The following LRRK1 variants were observed in gnomAD, a reference collection of about 807,000 sequenced individuals.
LRRK1 encodes the protein leucine-rich repeat serine/threonine-protein kinase 1.
LRRK1 carries 113 observed loss-of-function variants against 209.1 expected under a neutral mutation model. The observed-to-expected ratio is 0.54, with a 90% CI of 0.46 to 0.63. LRRK1 has a LOEUF of 0.63. LRRK1 is among the 30% of genes least tolerant of loss of function. The pLI, the probability that LRRK1 is intolerant of heterozygous loss-of-function variation, is 0.00. For synonymous variants in LRRK1, 1,144 were observed against 1,099.7 expected (o/e 1.04, Z -0.80); for missense variants, 2,284 against 2,632.2 (o/e 0.87, Z 2.89).
At chr15:101,019,282 G>T (rs1243401035) in intron 12 of LRRK1, among the ~76,000 whole-genome samples, 1 of 152,108 alleles carries the variant, frequency 6.6e-6, no homozygotes, top group African/African-American at 2.4e-5. Flanking sequence ...TTTAGAATGT[G>T]TTCTCTGGGG....
At chr15:100,962,693 A>C (rs909232209) in intron 2 of LRRK1, among the ~76,000 whole-genome samples, 1 of 148,870 alleles carries the variant, frequency 6.7e-6, no homozygotes, top group East Asian at 1.9e-4. Context: ...AAAATAATAG[A>C]CTGTATGTAT....
In LRRK1 at chr15:101,022,515, G is replaced by A. The variant is rs779074952; in HGVS notation, c.1985G>A (p.Arg662Lys). ...CTCCTGGAGATCTTACAGACGGGGA[G>A]GGCCCCCCAGGTGGTGCATGGAGAG... ...STLLEILQTG[R>K]APQVVHGEAT... The change falls in exon 15 of 34, where the codon AGG becomes AAG. Residue 662 changes from arginine (R) to lysine (K), a missense_variant. Physicochemically the swap from Arg to Lys is conservative, Grantham distance 26. Around this residue, in one of 6 missense-constraint regions of LRRK1, gnomAD observed 494 missense variants for 522.1 expected, o/e 0.95. Coordinates refer to ENST00000388948, the MANE Select transcript of LRRK1 (RefSeq NM_024652.6). This position sits in a 1 kb window ranked among gnomAD's most constrained non-coding sequence, Gnocchi z 4.0. 19 of 1,614,150 alleles carry A rather than the reference G, an allele frequency of 1.2e-5. No individual in the cohort carries two copies. The highest frequency in any genetic ancestry group is 1.3e-5 in the Non-Finnish European group (15 of 1,180,040).
In LRRK1 at chr15:100,941,304, G is replaced by GTGTGTGTGTGTCTC. The variant is rs1555458911; in HGVS notation, c.97+16584_97+16585insGTCTCTGTGTGTGT. ...CGTGTGTGTGTCTGTGTGTGTCTATGTGTGTGTGTCTGTGTGTGTGTGTCT... is the reference window on the plus strand; with the variant it reads ...CGTGTGTGTGTCTGTGTGTGTCTATGTGTGTGTGTGTCTCTGTGTGTGTCTGTGTGTGTGTGTCT... On this transcript the variant is annotated intron_variant, in intron 2 of 33. Transcript: ENST00000388948. Among the ~76,000 whole-genome samples, 34 of 114,678 alleles carry GTGTGTGTGTGTCTC rather than the reference G, an allele frequency of 3.0e-4. No homozygotes were observed. In the East Asian group the frequency reaches 8.1e-3, roughly 27 times the overall value. The allele number at this position is 114,678 out of a possible 152,430, so 75.2% of individuals were successfully genotyped here.
rs773373328 is a variant in LRRK1, at chr15:101,051,906, C to G, written c.3635C>G (p.Pro1212Arg). 9 of 1,614,004 alleles carry G rather than the reference C, an allele frequency of 5.6e-6. No homozygotes were observed. In the South Asian group the frequency reaches 8.8e-5, roughly 16 times the overall value. The stretch of plus-strand genomic sequence containing the variant: ...TCCTGCCCCAGACACCCGGACCTCC[C>G]CGTGCCGCTGCAGGAGCTGGTCCCT... ...FISCPRHPDLPVPLQELVPEL... is the reference protein window; with the variant it reads ...FISCPRHPDLRVPLQELVPEL... The change falls in exon 24 of 34, where the codon CCC (proline) becomes CGC (arginine). Residue 1212 changes from proline (P) to arginine (R), a missense_variant. This residue lies in a region of LRRK1 where 780 missense variants were observed against 985.2 expected (regional missense o/e 0.79). Transcript: ENST00000388948.
chr15:100,970,467 A>G (rs779609724), intron 2 of LRRK1, among the ~76,000 whole-genome samples: 9 of 152,124 alleles, frequency 5.9e-5, no homozygotes, highest in Non-Finnish European at 1.3e-4. Context: ...GCACAGGTCT[A>G]TTTTTCAACC....
intron 2 of LRRK1, among the ~76,000 whole-genome samples, chr15:100,940,166 T>C (rs2042374530): frequency 6.6e-6 from 1 of 152,228 alleles, no homozygotes; most frequent in East Asian, 1.9e-4. Flanking sequence ...GTTTTATCTC[T>C]TTGTTTCAGA....
intron 2 of LRRK1, among the ~76,000 whole-genome samples, chr15:100,968,687 TTTCTTTCCTTCC>T (rs1369601844): frequency 4.0e-5 from 3 of 74,308 alleles, no homozygotes; most frequent in African/African-American, 5.4e-5. Context: ...TCTTTCTTTC[TTTCTTTCCTTCC>T]TTCCTTCCTT....
chr15:101,000,625 G>C (rs1265682610), intron 6 of LRRK1, among the ~76,000 whole-genome samples: 1 of 152,152 alleles, frequency 6.6e-6, no homozygotes, highest in Non-Finnish European at 1.5e-5. Context: ...ACTGCTGGTG[G>C]TCCCCAACAC....
intron 20 of LRRK1, among the ~76,000 whole-genome samples, chr15:101,038,214 CA>C (rs1288694420): frequency 1.3e-5 from 2 of 151,942 alleles, no homozygotes; most frequent in African/African-American, 4.8e-5. Flanking sequence ...TTTGGGGACT[CA>C]GGGGAAAGGG....
Position 100,924,662 on chromosome 15 carries a change from C to T in LRRK1, c.30C>T (p.Ser10=). The change falls in exon 2 of 34, where the codon AGC becomes AGT. Residue 10 remains serine, a synonymous_variant. Transcript: ENST00000388948. ...CTGGCATGTCGCAAAGACCCCCCAG[C>T]ATGTACTGGTGTGTGGGGCCGGAGG... The part of the protein sequence containing the change: MAGMSQRPP[S]MYWCVGPEES... The T allele has an allele frequency of 6.2e-7, 1 of 1,614,166 alleles. No homozygotes were observed. The highest frequency in any genetic ancestry group is 8.5e-7 in the Non-Finnish European group (1 of 1,180,036).
intron 2 of LRRK1, among the ~76,000 whole-genome samples, chr15:100,951,794 A>G (rs975778332): frequency 3.0e-4 from 46 of 152,006 alleles, no homozygotes; most frequent in African/African-American, 1.1e-3. Context: ...TCTACTAAAA[A>G]TACAAATATT....
rs1384365640 is a variant in LRRK1, at chr15:101,075,822, T to A, written c.*6974T>A. On this transcript the variant is annotated 3_prime_UTR_variant, in exon 34 of 34. Transcript: ENST00000388948. ...TTTCTTTACTATTCCTTTGCACCCTTCATCCCAGCCTCTCTTCACTTTCAC... is the reference window on the plus strand; with the variant it reads ...TTTCTTTACTATTCCTTTGCACCCTACATCCCAGCCTCTCTTCACTTTCAC... 6.6e-6 allele frequency: 1 copy of A among 152,154 alleles called. No homozygotes were observed. Among genetic ancestry groups the A allele is most frequent in the African/African-American group, 2.4e-5 (1 of 41,364 alleles). The allele number at this position is 152,154 out of a possible 1,614,324, so 9.4% of individuals were successfully genotyped here. A position where few individuals can be genotyped will look rare whatever the true frequency, so the allele number is the denominator to read the frequency against.
At position 101,006,296 on chromosome 15, in the gene LRRK1, A is replaced by G. The variant is rs77557935; in HGVS notation, c.763-2541A>G. On this transcript the variant is annotated intron_variant, in intron 6 of 33. Transcript: ENST00000388948. ...CAGATTATGGGATATTCTATAAGAC[A>G]AGCAGTGAAACACACCAGCATCTGC... 9.4e-3 allele frequency among the ~76,000 whole-genome samples: 1,432 copies of G among 152,184 alleles called. 16 individuals carry two copies. Among genetic ancestry groups the G allele is most frequent in the Middle Eastern group, 0.031 (9 of 294 alleles).
rs899566324 is a variant in LRRK1 at position 101,024,048 on chromosome 15, C to T, written c.2068-755C>T. Reference sequence around the variant, plus strand: ...TTTTCCTGACCTTCACCCCCACTTCCTTTCTGCGATGATTAAAACCCCCTA... The same window carrying T: ...TTTTCCTGACCTTCACCCCCACTTCTTTTCTGCGATGATTAAAACCCCCTA... On this transcript the variant is annotated intron_variant, in intron 15 of 33. Transcript: ENST00000388948. This position sits in a 1 kb window ranked among gnomAD's most constrained non-coding sequence, Gnocchi z 4.6. 1.2e-4 allele frequency among the ~76,000 whole-genome samples: 19 copies of T among 152,154 alleles called. No individual in the cohort carries two copies. The highest frequency in any genetic ancestry group is 2.5e-4 in the Non-Finnish European group (17 of 68,022).
chr15:100,921,871 G>T (rs965851119), intron 1 of LRRK1, among the ~76,000 whole-genome samples: 5 of 151,996 alleles, frequency 3.3e-5, no homozygotes, highest in Non-Finnish European at 7.4e-5. Flanking sequence ...GCGCCCACCA[G>T]CATGCCCAGC....
rs374170949 is a variant in LRRK1, at chr15:100,983,548, G to A, written c.282G>A (p.Pro94=). 184 of 1,603,548 alleles carry A rather than the reference G, an allele frequency of 1.1e-4. No homozygotes were observed. The highest frequency in any genetic ancestry group is 2.8e-4 in the South Asian group (25 of 90,070). Residue 94 remains proline, a synonymous_variant, in exon 4 of 34, where the codon CCG becomes CCA. Coordinates refer to ENST00000388948, the MANE Select transcript of LRRK1 (RefSeq NM_024652.6). ...QLEKGQLLSI[P]AAYGDLEMVR... Reference sequence around the variant, plus strand: ...ACCAGGGCCAGCTTCTGAGCATCCCGGCAGCCTATGGGGATCTGGAGATGG... The same window carrying A: ...ACCAGGGCCAGCTTCTGAGCATCCCAGCAGCCTATGGGGATCTGGAGATGG...
Position 101,057,982 on chromosome 15 carries a change from T to A in LRRK1, c.4528-8T>A. The A allele has an allele frequency of 6.2e-7, 1 of 1,613,952 alleles. No individual in the cohort carries two copies. The highest frequency in any genetic ancestry group is 2.2e-5 in the East Asian group (1 of 44,884). ...CCTTGCTCTCTTCTGGTGGCTTCTCTCCCTCAGCGACCGCTGGCCCTGTCG... is the reference window on the plus strand; with the variant it reads ...CCTTGCTCTCTTCTGGTGGCTTCTCACCCTCAGCGACCGCTGGCCCTGTCG... On this transcript the variant is annotated splice_region_variant and splice_polypyrimidine_tract_variant and intron_variant, in intron 28 of 33. Transcript: ENST00000388948.
chr15:100,973,671 A>T, intron 2 of LRRK1, 133 bp from the exon 3 acceptor site: 1 of 926,242 alleles, frequency 1.1e-6, no homozygotes, highest in Non-Finnish European at 1.4e-6. Flanking sequence ...TCGCGGGGCC[A>T]CCCCTCTCTC....
At chr15:101,039,042 T>C (rs1208558058) in intron 20 of LRRK1, among the ~76,000 whole-genome samples, 1 of 152,224 alleles carries the variant, frequency 6.6e-6, no homozygotes, top group East Asian at 1.9e-4. Flanking sequence ...GGCTCATTAT[T>C]CAGCATATGA....
Sources: gnomAD v4.1 joint callset for allele counts (sites outside exome capture counted in the v4.1 genomes callset) on GRCh38, gnomAD v4.1.1 for gene constraint, gnomAD v4.1.1 regional missense constraint, Gnocchi (gnomAD v3.1) non-coding constraint, MANE v1.5 for transcripts, NCBI Gene and HGNC (gene_info 2026-07-23, HGNC 2026-07-21) for gene names.